The following TRIM14 variants were observed in gnomAD, a reference collection of about 807,000 sequenced individuals.
The protein encoded by TRIM14 is tripartite motif-containing protein 14.
TRIM14 carries 28 observed loss-of-function variants against 44.5 expected under a neutral mutation model. That is an observed-to-expected ratio of 0.63 (90% CI 0.47 to 0.86). TRIM14 has a LOEUF of 0.86. Among genes scored for constraint, TRIM14 ranks in the 40% least tolerant of loss-of-function variants. The pLI, the probability that TRIM14 is intolerant of heterozygous loss-of-function variation, is 0.00. For synonymous variants in TRIM14, 299 were observed against 269.2 expected (o/e 1.11, Z -1.08); for missense variants, 607 against 611.1 (o/e 0.99, Z 0.07).
At chr9:98,056,802 C>T in the TRIM14 span, 3 of 1,610,392 alleles carry the variant, frequency 1.9e-6, no homozygotes, top group African/African-American at 2.7e-5. Flanking sequence ...GACCCCGAGC[C>T]GCTGCAATGC....
At chr9:98,091,871 C>A in intron 5 of TRIM14, 38 bp downstream of exon 5, 1 of 1,415,600 alleles carries the variant, frequency 7.1e-7, no homozygotes, top group Non-Finnish European at 9.4e-7. Context: ...CCACCATCTC[C>A]ACCGTCTCCA....
intron 1 of TRIM14, among the ~76,000 whole-genome samples, chr9:98,112,845 G>A (rs761139626): frequency 4.0e-5 from 6 of 149,772 alleles, no homozygotes; most frequent in Non-Finnish European, 7.4e-5. Context: ...CAGGCGCGGT[G>A]GTTCATGGCT....
chr9:98,053,844 T>G, the TRIM14 span, among the ~76,000 whole-genome samples: 1 of 104,220 alleles, frequency 9.6e-6, no homozygotes, highest in African/African-American at 3.4e-5. Context: ...TATCATCCTT[T>G]TCTGTTTTAT....
chr9:98,059,487 T>C, the TRIM14 span, among the ~76,000 whole-genome samples: 4 of 152,172 alleles, frequency 2.6e-5, no homozygotes, highest in African/African-American at 9.7e-5. Flanking sequence ...CCATCATAGC[T>C]CATTGCCACC....
At chr9:98,111,312 C>G (rs1826845894) in intron 1 of TRIM14, among the ~76,000 whole-genome samples, 1 of 152,100 alleles carries the variant, frequency 6.6e-6, no homozygotes, top group African/African-American at 2.4e-5. Flanking sequence ...GTGGCTTGCA[C>G]CTGTAATCCC....
chr9:98,044,195 G>A, the TRIM14 span, among the ~76,000 whole-genome samples: 55,699 of 150,934 alleles, frequency 0.37, 12,345 homozygotes, highest in African/African-American at 0.62. Context: ...CTGAAAGTGC[G>A]GAGTCATCAG....
chr9:98,053,440 C>T, the TRIM14 span, among the ~76,000 whole-genome samples: 18 of 152,314 alleles, frequency 1.2e-4, no homozygotes, highest in Non-Finnish European at 2.1e-4. Context: ...GACCAGCCTG[C>T]TGAACTGGCT....
intron 4 of TRIM14, among the ~76,000 whole-genome samples, chr9:98,093,904 C>A (rs934037328): frequency 1.3e-5 from 2 of 152,116 alleles, no homozygotes; most frequent in Non-Finnish European, 2.9e-5. Context: ...TGCCACCATG[C>A]CTGGCTAATT....
chr9:98,081,072 G>T (rs772093469), downstream of TRIM14: 11 of 1,614,168 alleles, frequency 6.8e-6, no homozygotes, highest in South Asian at 1.2e-4. Context: ...GAGATGGCCT[G>T]CAATGAGAAG....
intron 6 of TRIM14, among the ~76,000 whole-genome samples, chr9:98,077,606 T>C (rs564120385): frequency 1.4e-4 from 21 of 152,276 alleles, no homozygotes; most frequent in Admixed American, 1.2e-3. Context: ...TGGCCCCAGC[T>C]ACTCGGGAGG....
intron 2 of TRIM14, among the ~76,000 whole-genome samples, chr9:98,108,709 A>G (rs1486358396): frequency 6.6e-6 from 1 of 151,734 alleles, no homozygotes; most frequent in Non-Finnish European, 1.5e-5. Context: ...GTGAACTACA[A>G]ACGTCTTCAG....
intron 5 of TRIM14, among the ~76,000 whole-genome samples, chr9:98,090,980 C>A (rs573087077): frequency 1.3e-5 from 2 of 152,324 alleles, no homozygotes; most frequent in African/African-American, 4.8e-5. Flanking sequence ...CTTTGGTTTC[C>A]CTCTGTCTCC....
downstream of TRIM14, chr9:98,083,190 A>ACATT: frequency 1.3e-6 from 1 of 796,806 alleles, no homozygotes. Flanking sequence ...TAGACAGCAG[A>ACATT]TGTTTCTGGG....
At chr9:98,052,014 A>G in the TRIM14 span, among the ~76,000 whole-genome samples, 2 of 152,142 alleles carry the variant, frequency 1.3e-5, no homozygotes, top group Non-Finnish European at 2.9e-5. Context: ...ATCCCTTAAA[A>G]TATATTCGCT....
At position 98,099,958 on chromosome 9, in the gene TRIM14, C is replaced by T. The variant is rs1220323452; in HGVS notation, c.510G>A (p.Gln170=). 2 of 1,613,744 alleles carry T rather than the reference C, an allele frequency of 1.2e-6. No homozygotes were observed. Among genetic ancestry groups the T allele is most frequent in the Admixed American group, 1.7e-5 (1 of 60,016 alleles). The change falls in exon 3 of 6, where the codon CAG becomes CAA. Residue 170 remains glutamine, a synonymous_variant. Transcript: ENST00000341469. Reference sequence around the variant, plus strand: ...GAAGCCTCTGGACAGGATCGGGCTCCTGGCTGATACTCCAGACCCTGTTGG... The same window carrying T: ...GAAGCCTCTGGACAGGATCGGGCTCTTGGCTGATACTCCAGACCCTGTTGG... ...DLSNRVWSIS[Q]EPDPVQRLQA... is the part of the protein sequence containing the mutation.
At chr9:98,102,518 C>CTGA (rs767509209) in intron 2 of TRIM14, among the ~76,000 whole-genome samples, 17 of 152,176 alleles carry the variant, frequency 1.1e-4, no homozygotes, top group Non-Finnish European at 2.2e-4. Context: ...ATGCAGTGTG[C>CTGA]TGATGCATGC....
At chr9:98,047,898 C>G in the TRIM14 span, among the ~76,000 whole-genome samples, 1 of 151,950 alleles carries the variant, frequency 6.6e-6, no homozygotes, top group South Asian at 2.1e-4. Flanking sequence ...AACTTCATCT[C>G]TACTAGAAAT....
chr9:98,082,296 G>A (rs1829904409), downstream of TRIM14: 1 of 152,578 alleles, frequency 6.6e-6, no homozygotes, highest in Non-Finnish European at 1.5e-5. Context: ...GTGTGCCCTG[G>A]AGAACGGTGT....
chr9:98,062,622 G>A, the TRIM14 span, among the ~76,000 whole-genome samples: 2 of 151,804 alleles, frequency 1.3e-5, no homozygotes, highest in Admixed American at 1.3e-4. Flanking sequence ...AGTGAACATC[G>A]AGTTCTGTGC....
Sources: allele counts gnomAD v4.1 joint callset (sites outside exome capture counted in the v4.1 genomes callset), GRCh38; gene constraint gnomAD v4.1.1; transcripts MANE v1.5; gene names NCBI Gene and HGNC (gene_info 2026-07-23, HGNC 2026-07-21).